CNTNAP5: variants seen among roughly 807,000 people sequenced by gnomAD.
The protein encoded by CNTNAP5 is contactin-associated protein-like 5.
CNTNAP5 carries 72 observed loss-of-function variants against 150.2 expected under a neutral mutation model. That is an observed-to-expected ratio of 0.48 (90% CI 0.40 to 0.58). CNTNAP5 has a LOEUF of 0.58. Ranked by LOEUF, CNTNAP5 falls within the 20% of genes least tolerant of loss-of-function variation. The pLI is 0.00. For missense variants in CNTNAP5, 1,636 were observed against 1,626.2 expected, an observed-to-expected ratio of 1.01 and a Z score of -0.10; for synonymous variants, 672 against 619.8, an observed-to-expected ratio of 1.08 and a Z score of -1.25.
At chr2:124,434,802 G>A (rs2104795034) in intron 5 of CNTNAP5, 115 bp downstream of exon 5, 3 of 823,710 alleles carry the variant, frequency 3.6e-6, no homozygotes, top group East Asian at 5.3e-5. Flanking sequence ...CACAATATAA[G>A]TGATATTGGT....
intron 1 of CNTNAP5, among the ~76,000 whole-genome samples, chr2:124,075,275 C>A (rs1412276954): frequency 6.6e-6 from 1 of 152,010 alleles, no homozygotes; most frequent in African/African-American, 2.4e-5. Context: ...CTTTTCTAAT[C>A]CTTGGTGACC....
chr2:124,798,068 G>A (rs766994116), intron 18 of CNTNAP5, 28 bp from the exon 19 acceptor site: 19 of 1,538,678 alleles, frequency 1.2e-5, no homozygotes, highest in Non-Finnish European at 1.4e-5. Flanking sequence ...AGGTTTCAAT[G>A]TGTGCTCTCC....
chr2:124,501,982 G>A (rs1471833670), intron 7 of CNTNAP5, among the ~76,000 whole-genome samples: 2 of 152,192 alleles, frequency 1.3e-5, no homozygotes, highest in African/African-American at 4.8e-5. Flanking sequence ...GAATGATAGA[G>A]GGAAGTGTGA....
At chr2:124,630,294 C>A (rs1184354610) in intron 12 of CNTNAP5, among the ~76,000 whole-genome samples, 1 of 152,118 alleles carries the variant, frequency 6.6e-6, no homozygotes, top group African/African-American at 2.4e-5. Flanking sequence ...AGGCCAATAT[C>A]CCTGATGAAC....
intron 1 of CNTNAP5, among the ~76,000 whole-genome samples, chr2:124,067,919 A>G (rs1682201391): frequency 6.6e-6 from 1 of 152,182 alleles, no homozygotes; most frequent in South Asian, 2.1e-4. Context: ...TTTACTTTTA[A>G]CTATAAATAA....
intron 1 of CNTNAP5, among the ~76,000 whole-genome samples, chr2:124,098,522 G>A (rs1471352736): frequency 6.6e-6 from 1 of 152,190 alleles, no homozygotes; most frequent in Non-Finnish European, 1.5e-5. Flanking sequence ...GCTAGAGATG[G>A]TTCTGATGAT....
chr2:124,706,098 A>G (rs891939185), intron 13 of CNTNAP5, among the ~76,000 whole-genome samples: 2 of 152,208 alleles, frequency 1.3e-5, no homozygotes, highest in Non-Finnish European at 2.9e-5. Flanking sequence ...GCACTAGAGA[A>G]TTATGAAGTA....
chr2:124,663,147 C>T (rs1678627324), intron 13 of CNTNAP5, among the ~76,000 whole-genome samples: 1 of 151,682 alleles, frequency 6.6e-6, no homozygotes, highest in African/African-American at 2.4e-5. Context: ...GTGACCCTAT[C>T]TGTAACTGTA....
chr2:124,323,764 G>A (rs1689153470), intron 3 of CNTNAP5, among the ~76,000 whole-genome samples: 1 of 152,184 alleles, frequency 6.6e-6, no homozygotes, highest in Non-Finnish European at 1.5e-5. Context: ...AGGAAAGAAA[G>A]CATTACCTCA....
chr2:124,474,859 C>A lies in CNTNAP5; in HGVS notation c.1039C>A (p.Arg347=), dbSNP rs748391901. ...GVNIIDLAKR[R]KHQIYTVGNV... Reference sequence around the variant, plus strand: ...AAACATAATTGACCTGGCTAAGAGACGAAAGCATCAGATCTATACTGTGGT... The same window carrying A: ...AAACATAATTGACCTGGCTAAGAGAAGAAAGCATCAGATCTATACTGTGGT... Residue 347 remains arginine, a synonymous_variant, in exon 7 of 24, where the codon CGA becomes AGA. Transcript: ENST00000682447. 8.7e-6 allele frequency: 14 copies of A among 1,606,076 alleles called. No individual in the cohort carries two copies. In the Admixed American group the frequency reaches 2.4e-4, roughly 28 times the overall value.
At chr2:124,738,122 T>A (rs1680425395) in intron 13 of CNTNAP5, among the ~76,000 whole-genome samples, 1 of 152,180 alleles carries the variant, frequency 6.6e-6, no homozygotes, top group African/African-American at 2.4e-5. Context: ...ACTGTGTGAA[T>A]CGGTATAAGT....
intron 3 of CNTNAP5, among the ~76,000 whole-genome samples, chr2:124,378,753 T>G (rs919358575): frequency 1.3e-5 from 2 of 152,262 alleles, no homozygotes; most frequent in South Asian, 2.1e-4. Flanking sequence ...TATATTTATA[T>G]ATCTATTCTT....
At chr2:124,257,606 T>TG (rs1370889695) in intron 3 of CNTNAP5, among the ~76,000 whole-genome samples, 2 of 152,194 alleles carry the variant, frequency 1.3e-5, no homozygotes, top group African/African-American at 4.8e-5. Context: ...ACACTTCTCC[T>TG]GATTCAATTA....
At chr2:124,777,249 C>A (rs953056310) in intron 17 of CNTNAP5, among the ~76,000 whole-genome samples, 4 of 151,948 alleles carry the variant, frequency 2.6e-5, no homozygotes, top group Non-Finnish European at 5.9e-5. Context: ...AACATTGGTT[C>A]TGTTTTTATA....
intron 11 of CNTNAP5, among the ~76,000 whole-genome samples, chr2:124,577,973 A>C (rs1171031315): frequency 6.6e-6 from 1 of 152,032 alleles, no homozygotes; most frequent in Non-Finnish European, 1.5e-5. Flanking sequence ...CAGTGGAAAA[A>C]TACATGACAA....
intron 13 of CNTNAP5, among the ~76,000 whole-genome samples, chr2:124,681,524 A>G (rs1267329221): frequency 6.6e-6 from 1 of 151,968 alleles, no homozygotes; most frequent in Non-Finnish European, 1.5e-5. Flanking sequence ...TGCAGCTTCT[A>G]AGTTCTCTTC....
At chr2:124,882,833 A>T (rs568618740) in intron 21 of CNTNAP5, among the ~76,000 whole-genome samples, 79 of 152,086 alleles carry the variant, frequency 5.2e-4, no homozygotes, top group Non-Finnish European at 9.9e-4. Flanking sequence ...GTGAAGGAGG[A>T]GCAAAGGCAC....
intron 13 of CNTNAP5, among the ~76,000 whole-genome samples, chr2:124,742,189 C>A (rs910852341): frequency 1.3e-5 from 2 of 152,122 alleles, no homozygotes; most frequent in African/African-American, 4.8e-5. Flanking sequence ...AGACAACATA[C>A]CCTTATGCAG....
At chr2:124,554,885 G>T (rs1270637187) in intron 10 of CNTNAP5, among the ~76,000 whole-genome samples, 1 of 152,100 alleles carries the variant, frequency 6.6e-6, no homozygotes, top group East Asian at 1.9e-4. Context: ...TTCACTCTTG[G>T]CAGGGGATCT....
Sources: gnomAD v4.1 joint callset for allele counts (sites outside exome capture counted in the v4.1 genomes callset) on GRCh38, gnomAD v4.1.1 for gene constraint, MANE v1.5 for transcripts, NCBI Gene and HGNC (gene_info 2026-07-23, HGNC 2026-07-21) for gene names.